The following CLIC6 variants were observed in gnomAD, a reference collection of about 807,000 sequenced individuals.
CLIC6 encodes chloride intracellular channel protein 6.
Under a neutral mutation model 49.2 loss-of-function variants are expected in CLIC6, and 39 were observed. That is an observed-to-expected ratio of 0.79 (90% CI 0.61 to 1.04). The LOEUF (loss-of-function observed/expected upper bound fraction) is 1.04. Among genes scored for constraint, CLIC6 ranks in the 50% least tolerant of loss-of-function variants. The pLI, the probability that CLIC6 is intolerant of heterozygous loss-of-function variation, is 0.00. For synonymous variants in CLIC6, 446 were observed against 433.4 expected (o/e 1.03, Z -0.36); for missense variants, 988 against 993.1 (o/e 0.99, Z 0.07).
chr21:34,717,653 A>G lies in CLIC6; in HGVS notation c.*1171A>G, dbSNP rs2056095332. Reference sequence around the variant, plus strand: ...GGCCTTAACCCTAGGCGTGGAAGAGAAAATGTGAGGTTGTTTAGATACTCA... The same window carrying G: ...GGCCTTAACCCTAGGCGTGGAAGAGGAAATGTGAGGTTGTTTAGATACTCA... On this transcript the variant is annotated 3_prime_UTR_variant, in exon 6 of 6. Coordinates refer to ENST00000349499, the MANE Select transcript of CLIC6 (RefSeq NM_053277.3). The G allele has an allele frequency of 6.6e-6, 1 of 152,222 alleles. No individual in the cohort carries two copies. The highest frequency in any genetic ancestry group is 1.5e-5 in the Non-Finnish European group (1 of 68,050). 9.4% of individuals were successfully genotyped at this position (152,222 alleles called of 1,614,324 possible). A position where few individuals can be genotyped will look rare whatever the true frequency, so the allele number is the denominator to read the frequency against.
chr21:34,695,536 T>G (rs1174714020), intron 1 of CLIC6, among the ~76,000 whole-genome samples: 3 of 152,258 alleles, frequency 2.0e-5, no homozygotes, highest in Non-Finnish European at 2.9e-5. Flanking sequence ...CATTCTGTCA[T>G]GGTCATTCCA....
At chr21:34,676,399 T>C (rs1989671355) in intron 1 of CLIC6, among the ~76,000 whole-genome samples, 1 of 152,238 alleles carries the variant, frequency 6.6e-6, no homozygotes, top group African/African-American at 2.4e-5. Flanking sequence ...GACACATTGG[T>C]AAGCAGGACT....
Position 34,716,862 on chromosome 21 carries a change from T to TCTCTCTCACACA in CLIC6, c.*381_*382insTCTCTCACACAC. ...CTCTCTCTCTCTCTCTCTCTCTCTA[T>TCTCTCTCACACA]CACACACACACACACACACACACAC... On this transcript the variant is annotated 3_prime_UTR_variant, in exon 6 of 6. Transcript: ENST00000349499. 1.4e-4 allele frequency: 19 copies of TCTCTCTCACACA among 131,630 alleles called. No homozygotes were observed. Among genetic ancestry groups the TCTCTCTCACACA allele is most frequent in the South Asian group, 2.4e-4 (1 of 4,248 alleles). 8.2% of individuals were successfully genotyped at this position (131,630 alleles called of 1,614,324 possible). A position where few individuals can be genotyped will look rare whatever the true frequency, so the allele number is the denominator to read the frequency against.
At chr21:34,709,826 C>T (rs1053412986) in intron 5 of CLIC6, among the ~76,000 whole-genome samples, 1 of 152,174 alleles carries the variant, frequency 6.6e-6, no homozygotes, top group African/African-American at 2.4e-5. Context: ...TGAGGAATTT[C>T]GTAGATTATA....
At chr21:34,703,137 C>T (rs1018550216) in intron 1 of CLIC6, among the ~76,000 whole-genome samples, 2 of 152,180 alleles carry the variant, frequency 1.3e-5, no homozygotes, top group Non-Finnish European at 2.9e-5. Context: ...TCCCTGCACA[C>T]GGATGCATTT....
intron 1 of CLIC6, among the ~76,000 whole-genome samples, chr21:34,685,498 G>A (rs1488138637): frequency 6.6e-6 from 1 of 152,208 alleles, no homozygotes; most frequent in Non-Finnish European, 1.5e-5. Context: ...CCTTGGAGGT[G>A]AGTTCAAAGA....
chr21:34,705,642 T>A (rs2056009376), intron 1 of CLIC6, among the ~76,000 whole-genome samples: 1 of 152,150 alleles, frequency 6.6e-6, no homozygotes. Context: ...GCTTAGGGAC[T>A]CTGAATTCAG....
At position 34,715,088 on chromosome 21, in the gene CLIC6, G is replaced by A. The variant is rs145545672; in HGVS notation, c.1900-1233G>A. Among the ~76,000 whole-genome samples the A allele has an allele frequency of 4.9e-4, 75 of 152,282 alleles. No individual in the cohort carries two copies. The South Asian group carries it at 6.0e-3, about 12-fold the overall frequency. ...ATGACTGCTGGCCTCCAAAGTCTGC[G>A]CAGTAAGCCCCAAAGATCTTCTCAT... On this transcript the variant is annotated intron_variant, in intron 5 of 5. Transcript: ENST00000349499.
intron 1 of CLIC6, among the ~76,000 whole-genome samples, chr21:34,672,563 G>C (rs952713366): frequency 5.9e-5 from 9 of 152,192 alleles, no homozygotes; most frequent in Non-Finnish European, 1.5e-5. Context: ...GGATGACCCT[G>C]TTAAGGCATT....
At position 34,708,495 on chromosome 21, in the gene CLIC6, A is replaced by G. The variant is rs564048939; in HGVS notation, c.1611-205A>G. Among the ~76,000 whole-genome samples the G allele has an allele frequency of 2.0e-5, 3 of 152,310 alleles. No homozygotes were observed. In the East Asian group the frequency reaches 5.8e-4, roughly 29 times the overall value. On this transcript the variant is annotated intron_variant, in intron 3 of 5. Transcript: ENST00000349499. ...GTCCCAGAACTGGCCACTGCCAGGA[A>G]ACAGCAACAATCCAAACCTCTCCGT... is the stretch of plus-strand genomic sequence containing the variant.
intron 1 of CLIC6, among the ~76,000 whole-genome samples, chr21:34,706,733 CTG>C (rs1482970817): frequency 6.6e-6 from 1 of 152,210 alleles, no homozygotes; most frequent in Non-Finnish European, 1.5e-5. Context: ...TGCACCCACA[CTG>C]TTGCTTGTAT....
chr21:34,713,062 T>C (rs2056067055), intron 5 of CLIC6, among the ~76,000 whole-genome samples: 1 of 152,054 alleles, frequency 6.6e-6, no homozygotes. Flanking sequence ...ATAGGTCCAG[T>C]AGATCTGCCT....
intron 1 of CLIC6, among the ~76,000 whole-genome samples, chr21:34,677,194 G>T (rs995658997): frequency 3.9e-5 from 6 of 152,154 alleles, no homozygotes; most frequent in Non-Finnish European, 8.8e-5. Flanking sequence ...TTCATTTAAT[G>T]CTGCTATGAA....
At chr21:34,688,003 T>C (rs1989912568) in intron 1 of CLIC6, among the ~76,000 whole-genome samples, 1 of 152,174 alleles carries the variant, frequency 6.6e-6, no homozygotes, top group African/African-American at 2.4e-5. Context: ...GGGTATGCAG[T>C]GTAAAGTATT....
intron 1 of CLIC6, among the ~76,000 whole-genome samples, chr21:34,680,860 A>G (rs1989765490): frequency 6.6e-6 from 1 of 152,200 alleles, no homozygotes; most frequent in Non-Finnish European, 1.5e-5. Flanking sequence ...GAACTTTCCC[A>G]CAGCTTCCTG....
In CLIC6 at chr21:34,670,657, C is replaced by G; in HGVS notation, c.1269C>G (p.Ala423=). ...LSNHLAEEGP[A]EGSGEAARVN... ...ACCACCTGGCCGAGGAGGGCCCCGC[C>G]GAGGGTAGCGGCGAGGCCGCGCGCG... The change falls in exon 1 of 6, where the codon GCC becomes GCG. Residue 423 remains alanine, a synonymous_variant. Coordinates refer to ENST00000349499, the MANE Select transcript of CLIC6 (RefSeq NM_053277.3). 1 of 1,565,470 alleles carries G rather than the reference C, an allele frequency of 6.4e-7. No individual in the cohort carries two copies. Among genetic ancestry groups the G allele is most frequent in the Non-Finnish European group, 8.6e-7 (1 of 1,158,484 alleles).
Position 34,700,726 on chromosome 21 carries a change from T to G in CLIC6, c.1375-6554T>G, listed in dbSNP as rs548044261. 2.1e-5 allele frequency among the ~76,000 whole-genome samples: 3 copies of G among 139,998 alleles called. 1 individual carries two copies. The highest frequency in any genetic ancestry group is 8.5e-5 in the African/African-American group (3 of 35,210). 91.8% of individuals were successfully genotyped at this position (139,998 alleles called of 152,430 possible). On this transcript the variant is annotated intron_variant, in intron 1 of 5. Transcript: ENST00000349499. Reference sequence around the variant, plus strand: ...AAAGTCAGCCGCCCACTGCTCAGGCTTTCTTAACACCGACCCCAACAGTCA... The same window carrying G: ...AAAGTCAGCCGCCCACTGCTCAGGCGTTCTTAACACCGACCCCAACAGTCA...
chr21:34,710,721 G>A (rs555331111), intron 5 of CLIC6, among the ~76,000 whole-genome samples: 20 of 152,104 alleles, frequency 1.3e-4, no homozygotes, highest in Non-Finnish European at 2.2e-4. Context: ...GCTGAGGCAG[G>A]AGAATCGCTT....
Position 34,669,604 on chromosome 21 carries a change from G to A in CLIC6, c.216G>A (p.Glu72=). Residue 72 remains glutamate (E), a synonymous_variant, in exon 1 of 6, where the codon GAG becomes GAA. Coordinates refer to ENST00000349499, the MANE Select transcript of CLIC6 (RefSeq NM_053277.3). Reference sequence around the variant, plus strand: ...GGCCAGACAGGGGCCCGGAGGCCGAGGCGCGGGGCACGAGGGGGGCGCACG... The same window carrying A: ...GGCCAGACAGGGGCCCGGAGGCCGAAGCGCGGGGCACGAGGGGGGCGCACG... The part of the protein sequence containing the change: ...GGGPDRGPEA[E]ARGTRGAHGE... 2 of 1,271,016 alleles carry A rather than the reference G, an allele frequency of 1.6e-6. No homozygotes were observed. The highest frequency in any genetic ancestry group is 2.0e-6 in the Non-Finnish European group (2 of 1,011,838). The allele number at this position is 1,271,016 out of a possible 1,614,324, so 78.7% of individuals were successfully genotyped here.
Sources: allele counts gnomAD v4.1 joint callset (sites outside exome capture counted in the v4.1 genomes callset), GRCh38; gene constraint gnomAD v4.1.1; transcripts MANE v1.5; gene names NCBI Gene and HGNC (gene_info 2026-07-23, HGNC 2026-07-21).